The following GJB7 variants were observed in gnomAD, a reference collection of about 807,000 sequenced individuals.
GJB7 encodes the protein gap junction protein beta 7.
For missense variants in GJB7, 253 were observed against 256.8 expected (o/e 0.99, Z 0.10); for synonymous variants, 87 against 95.2 (o/e 0.91, Z 0.50).
At chr6:87,308,246 G>A (rs547095213) in intron 2 of GJB7, among the ~76,000 whole-genome samples, 1 of 149,862 alleles carries the variant, frequency 6.7e-6, no homozygotes, top group East Asian at 2.0e-4. Flanking sequence ...GGAGGGGGGA[G>A]GGATAGCATT....
chr6:87,322,683 G>C (rs888346939), intron 2 of GJB7, 183 bp downstream of exon 2: 1 of 152,244 alleles, frequency 6.6e-6, no homozygotes. Flanking sequence ...GCCTGGAGGG[G>C]CCAGGGCGGC....
At chr6:87,298,804 G>T in intron 2 of GJB7, 1 of 292,202 alleles carries the variant, frequency 3.4e-6, no homozygotes, top group South Asian at 4.3e-5. Context: ...TGCCAGATGA[G>T]ACCGGTGTCC....
At chr6:87,319,437 T>C (rs950519592) in intron 2 of GJB7, among the ~76,000 whole-genome samples, 1 of 152,192 alleles carries the variant, frequency 6.6e-6, no homozygotes, top group African/African-American at 2.4e-5. Flanking sequence ...ATCATGACAG[T>C]AAAAGTACTT....
intron 2 of GJB7, among the ~76,000 whole-genome samples, chr6:87,286,231 A>C (rs774568712): frequency 3.3e-5 from 5 of 152,202 alleles, no homozygotes; most frequent in Non-Finnish European, 5.9e-5. Context: ...TCCCACAAGA[A>C]TTCTGAACTT....
intron 1 of GJB7, among the ~76,000 whole-genome samples, chr6:87,324,527 A>G (rs1417249158): frequency 2.0e-5 from 3 of 150,772 alleles, no homozygotes; most frequent in Non-Finnish European, 4.4e-5. Flanking sequence ...TAAATAGGGA[A>G]TCCTTTCCCC....
intron 2 of GJB7, among the ~76,000 whole-genome samples, chr6:87,314,744 A>G (rs2127908938): frequency 6.6e-6 from 1 of 152,288 alleles, no homozygotes; most frequent in Non-Finnish European, 1.5e-5. Context: ...TAGTCTACTC[A>G]ACATTCTTTC....
intron 2 of GJB7, among the ~76,000 whole-genome samples, chr6:87,305,685 T>C (rs1776414712): frequency 6.6e-6 from 1 of 152,188 alleles, no homozygotes; most frequent in South Asian, 2.1e-4. Flanking sequence ...ACTTTAAAGT[T>C]CATATGGAAC....
rs556373938 is a variant in GJB7, at chr6:87,324,137, T to C, written c.-205-1094A>G. The stretch of plus-strand genomic sequence containing the variant: ...GATGGGGTTCTTTGTTTTTGTCTTG[T>C]AAATTTGCTTGAGTTGATTGTAGAT... On this transcript the variant is annotated intron_variant, in intron 1 of 2. Transcript: ENST00000525899. Among the ~76,000 whole-genome samples the C allele has an allele frequency of 4.1e-4, 62 of 152,296 alleles. 1 individual carries two copies. Among genetic ancestry groups the C allele is most frequent in the African/African-American group, 1.4e-3 (58 of 41,522 alleles).
At chr6:87,298,586 A>C (rs1562210985) in intron 2 of GJB7, among the ~76,000 whole-genome samples, 1 of 152,226 alleles carries the variant, frequency 6.6e-6, no homozygotes. Flanking sequence ...CTCAGAAGCT[A>C]AAAACAAAAC....
At position 87,294,611 on chromosome 6, in the gene GJB7, T is replaced by C. The variant is rs575044916; in HGVS notation, c.-27-9672A>G. Among the ~76,000 whole-genome samples the C allele has an allele frequency of 5.9e-5, 9 of 152,338 alleles. No homozygotes were observed. The South Asian group carries it at 1.4e-3, about 25-fold the overall frequency. On this transcript the variant is annotated intron_variant, in intron 2 of 2. Coordinates refer to ENST00000525899, the MANE Select transcript of GJB7 (RefSeq NM_198568.3). ...CCAAGAGAAGCCAGGGGTTCTGGTCTTTTTTGCACTGGTTAGAGGCAGTTG... is the reference window on the plus strand; with the variant it reads ...CCAAGAGAAGCCAGGGGTTCTGGTCCTTTTTGCACTGGTTAGAGGCAGTTG...
chr6:87,323,274 A>G (rs1304363250), intron 1 of GJB7, among the ~76,000 whole-genome samples: 1 of 151,690 alleles, frequency 6.6e-6, no homozygotes, highest in Non-Finnish European at 1.5e-5. Flanking sequence ...TGTTTTGTTT[A>G]TTTATTTATT....
intron 2 of GJB7, among the ~76,000 whole-genome samples, chr6:87,293,861 C>T (rs150658265): frequency 6.6e-6 from 1 of 152,294 alleles, no homozygotes; most frequent in East Asian, 1.9e-4. Flanking sequence ...CAGTATCTTG[C>T]AGTATCTCAC....
chr6:87,304,680 C>T (rs1257621783), intron 2 of GJB7, among the ~76,000 whole-genome samples: 1 of 152,274 alleles, frequency 6.6e-6, no homozygotes. Flanking sequence ...TTTTATGAGG[C>T]CAGCCCCATC....
chr6:87,290,570 C>A (rs142466064), intron 2 of GJB7, among the ~76,000 whole-genome samples: 42 of 151,910 alleles, frequency 2.8e-4, no homozygotes, highest in African/African-American at 1.0e-3. Flanking sequence ...CGTTCATATT[C>A]CTAAGCTTTT....
intron 2 of GJB7, among the ~76,000 whole-genome samples, chr6:87,296,370 C>A (rs569507844): frequency 1.9e-3 from 294 of 152,190 alleles, no homozygotes; most frequent in Non-Finnish European, 3.9e-3. Context: ...TAAACACAGG[C>A]AATAGAATCC....
chr6:87,284,907 A>C lies in GJB7; in HGVS notation c.6T>G (p.Ser2Arg). The change falls in exon 3 of 3, where the codon AGT becomes AGG. Residue 2 changes from serine (S) to arginine (R), a missense_variant. Coordinates refer to ENST00000525899, the MANE Select transcript of GJB7 (RefSeq NM_198568.3). MSWMFLRDLLSG... is the reference protein window; with the variant it reads MRWMFLRDLLSG... ...TCAGGAGATCTCTGAGGAACATCCA[A>C]CTCATGACTTAGGCTCAAAAGAAGG... 1 of 1,609,084 alleles carries C rather than the reference A, an allele frequency of 6.2e-7. No individual in the cohort carries two copies. Among genetic ancestry groups the C allele is most frequent in the Non-Finnish European group, 8.5e-7 (1 of 1,176,054 alleles).
intron 2 of GJB7, among the ~76,000 whole-genome samples, chr6:87,287,929 G>A (rs1323458472): frequency 1.3e-5 from 2 of 151,964 alleles, no homozygotes; most frequent in Admixed American, 6.5e-5. Flanking sequence ...TTCAGATGGA[G>A]TGTTGCTCTG....
chr6:87,293,701 C>A lies in GJB7; in HGVS notation c.-27-8762G>T, dbSNP rs556771549. 3.9e-5 allele frequency among the ~76,000 whole-genome samples: 6 copies of A among 152,320 alleles called. 2 individuals carry two copies. The highest frequency in any genetic ancestry group is 1.2e-4 in the African/African-American group (5 of 41,578). ...GCGGGGCTGAGGACGTTTGTTGTTG[C>A]CACAACCTTGAAGGTGACTGTACTG... On this transcript the variant is annotated intron_variant, in intron 2 of 2. Coordinates refer to ENST00000525899, the MANE Select transcript of GJB7 (RefSeq NM_198568.3).
chr6:87,300,145 C>T (rs529644296), intron 2 of GJB7: 11 of 245,820 alleles, frequency 4.5e-5, no homozygotes, highest in Non-Finnish European at 6.5e-5. Context: ...TTTAAAAATT[C>T]GTACAGAAGT....
Sources: allele counts gnomAD v4.1 joint callset (sites outside exome capture counted in the v4.1 genomes callset), GRCh38; gene constraint gnomAD v4.1.1; transcripts MANE v1.5; gene names NCBI Gene and HGNC (gene_info 2026-07-23, HGNC 2026-07-21).